The following NHSL3 variants were observed in gnomAD, a reference collection of about 807,000 sequenced individuals.
The protein encoded by NHSL3 is NHS like 3.
At chr1:32,767,687 T>C in the NHSL3 span, 5 of 979,218 alleles carry the variant, frequency 5.1e-6, no homozygotes, top group Non-Finnish European at 7.6e-6. Flanking sequence ...GCAATGGCCG[T>C]GTGCAGTCTG....
chr1:32,766,775 G>A, the NHSL3 span, among the ~76,000 whole-genome samples: 1 of 152,170 alleles, frequency 6.6e-6, no homozygotes, highest in Admixed American at 6.5e-5. Flanking sequence ...CATTTAAAGG[G>A]GGGGCTGGGG....
the NHSL3 span, among the ~76,000 whole-genome samples, chr1:32,744,861 C>T: frequency 2.0e-5 from 3 of 152,150 alleles, no homozygotes; most frequent in Non-Finnish European, 4.4e-5. Flanking sequence ...CGTGGTGGCT[C>T]ATGCCTGTAA....
chr1:32,771,133 AC>A, the NHSL3 span: 1 of 1,610,102 alleles, frequency 6.2e-7, no homozygotes, highest in Non-Finnish European at 8.5e-7. Flanking sequence ...ACAGATATTG[AC>A]CCCCCTGGGT....
At chr1:32,763,003 C>T in the NHSL3 span, among the ~76,000 whole-genome samples, 12 of 126,230 alleles carry the variant, frequency 9.5e-5, no homozygotes, top group Admixed American at 3.5e-4. Context: ...TTTTTTGAGA[C>T]GGAGTCTCTC....
chr1:32,755,432 G>GGGGT, the NHSL3 span, among the ~76,000 whole-genome samples: 9 of 152,160 alleles, frequency 5.9e-5, no homozygotes, highest in African/African-American at 2.2e-4. Context: ...CTCCATGGAG[G>GGGGT]GGGTGGTGGA....
chr1:32,772,330 C>T, the NHSL3 span: 1 of 1,608,462 alleles, frequency 6.2e-7, no homozygotes. Context: ...TACTGCTCCT[C>T]CCACCAATGG....
At chr1:32,754,951 C>T in the NHSL3 span, among the ~76,000 whole-genome samples, 1 of 151,942 alleles carries the variant, frequency 6.6e-6, no homozygotes, top group Non-Finnish European at 1.5e-5. Context: ...CCACGGTCCC[C>T]GAGGTCGCCG....
the NHSL3 span, among the ~76,000 whole-genome samples, chr1:32,754,408 C>G: frequency 4.3e-4 from 66 of 152,088 alleles, no homozygotes; most frequent in African/African-American, 1.6e-3. Context: ...GCACAACACC[C>G]ACTCAAATGT....
the NHSL3 span, among the ~76,000 whole-genome samples, chr1:32,763,614 C>T: frequency 6.6e-6 from 1 of 152,140 alleles, no homozygotes; most frequent in Non-Finnish European, 1.5e-5. Context: ...CACTCTTGCC[C>T]AGACTGGAGT....
chr1:32,750,739 C>T, the NHSL3 span, among the ~76,000 whole-genome samples: 8 of 152,140 alleles, frequency 5.3e-5, no homozygotes, highest in East Asian at 1.4e-3. Flanking sequence ...AACTGCTGAC[C>T]TTGTGATCTG....
At chr1:32,766,610 G>A in the NHSL3 span, among the ~76,000 whole-genome samples, 2 of 152,174 alleles carry the variant, frequency 1.3e-5, no homozygotes, top group Admixed American at 6.5e-5. Context: ...GGCTGTTGAC[G>A]AATGGGCTGA....
At chr1:32,758,875 C>T in the NHSL3 span, among the ~76,000 whole-genome samples, 1 of 152,074 alleles carries the variant, frequency 6.6e-6, no homozygotes, top group Non-Finnish European at 1.5e-5. Context: ...CTGGTCTGGG[C>T]CTGGAATTCC....
the NHSL3 span, chr1:32,742,086 G>A: frequency 8.0e-7 from 1 of 1,256,928 alleles, no homozygotes; most frequent in Non-Finnish European, 1.0e-6. Context: ...TGCGGGGCAA[G>A]CGGCGCAAGA....
the NHSL3 span, among the ~76,000 whole-genome samples, chr1:32,756,893 C>A: frequency 1.3e-5 from 2 of 152,040 alleles, no homozygotes; most frequent in African/African-American, 4.8e-5. Flanking sequence ...CACTTGAACC[C>A]AGGAGGTGGA....
chr1:32,753,526 A>G, the NHSL3 span, among the ~76,000 whole-genome samples: 1 of 152,154 alleles, frequency 6.6e-6, no homozygotes, highest in Admixed American at 6.5e-5. Flanking sequence ...ACCTTACACA[A>G]TTGTGGATAA....
At chr1:32,759,953 GTA>G in the NHSL3 span, among the ~76,000 whole-genome samples, 4 of 152,212 alleles carry the variant, frequency 2.6e-5, no homozygotes, top group African/African-American at 9.7e-5. Flanking sequence ...TTTGAGAACC[GTA>G]AAGTGCCTCC....
At chr1:32,744,716 T>C in the NHSL3 span, among the ~76,000 whole-genome samples, 3 of 152,158 alleles carry the variant, frequency 2.0e-5, no homozygotes, top group Non-Finnish European at 2.9e-5. Flanking sequence ...CTCAGTGGGC[T>C]CCCTGATTCC....
the NHSL3 span, chr1:32,769,761 C>T: frequency 1.2e-6 from 2 of 1,613,986 alleles, no homozygotes; most frequent in Non-Finnish European, 1.7e-6. Context: ...TGCTGGGACT[C>T]CCGCAGCATG....
the NHSL3 span, chr1:32,769,644 A>G: frequency 6.4e-7 from 1 of 1,556,874 alleles, no homozygotes; most frequent in Non-Finnish European, 8.8e-7. Flanking sequence ...CTTTGCTCTA[A>G]CAGTTTTTCT....
Sources: gnomAD v4.1 joint callset for allele counts (sites outside exome capture counted in the v4.1 genomes callset) on GRCh38, gnomAD v4.1.1 for gene constraint, MANE v1.5 for transcripts, NCBI Gene and HGNC (gene_info 2026-07-23, HGNC 2026-07-21) for gene names.